MRC1: variants seen among roughly 807,000 people sequenced by gnomAD.
MRC1 encodes macrophage mannose receptor 1.
MRC1 carries 62 observed loss-of-function variants against 102.9 expected under a neutral mutation model. That is an observed-to-expected ratio of 0.60 (90% CI 0.49 to 0.74). The LOEUF is 0.74. Among genes scored for constraint, MRC1 ranks in the 30% least tolerant of loss-of-function variants. The pLI is 0.00. For missense variants in MRC1, 1,237 were observed against 862.8 expected, an observed-to-expected ratio of 1.43 and a Z score of -5.43; for synonymous variants, 457 against 298.4, an observed-to-expected ratio of 1.53 and a Z score of -5.48.
At chr10:17,898,761 A>G (rs1320661085) in intron 24 of MRC1, among the ~76,000 whole-genome samples, 1 of 152,208 alleles carries the variant, frequency 6.6e-6, no homozygotes, top group Non-Finnish European at 1.5e-5. Context: ...ATTCCATAAT[A>G]GACTAAGGTT....
intron 1 of MRC1, among the ~76,000 whole-genome samples, chr10:17,815,132 G>C (rs1191315572): frequency 1.1e-4 from 17 of 152,082 alleles, no homozygotes; most frequent in Non-Finnish European, 2.4e-4. Context: ...ACTTTATTTA[G>C]ATGATCTCAT....
chr10:17,904,215 T>G (rs1381630712), intron 26 of MRC1, among the ~76,000 whole-genome samples: 2 of 152,224 alleles, frequency 1.3e-5, no homozygotes, highest in Non-Finnish European at 2.9e-5. Flanking sequence ...CCCTTGTAGT[T>G]TCCTTTATTG....
At chr10:17,854,315 A>G (rs1176497191) in intron 8 of MRC1, among the ~76,000 whole-genome samples, 2 of 152,208 alleles carry the variant, frequency 1.3e-5, no homozygotes, top group African/African-American at 4.8e-5. Context: ...TTATTGTTCA[A>G]TAATTTTTGT....
At chr10:17,861,079 G>A (rs1446467869) in intron 9 of MRC1, among the ~76,000 whole-genome samples, 2 of 152,208 alleles carry the variant, frequency 1.3e-5, no homozygotes, top group South Asian at 4.1e-4. Flanking sequence ...GGAGGCCAAG[G>A]CGGGTAGATC....
Position 17,863,608 on chromosome 10 carries a change from T to C in MRC1, c.1709T>C (p.Ile570Thr). 5.1e-6 allele frequency: 4 copies of C among 780,872 alleles called. No homozygotes were observed. The highest frequency in any genetic ancestry group is 3.4e-5 in the Admixed American group (2 of 59,036). The allele number at this position is 780,872 out of a possible 1,614,324, so 48.4% of individuals were successfully genotyped here. A position where few individuals can be genotyped will look rare whatever the true frequency, so the allele number is the denominator to read the frequency against. ...EKYFWTGLSD[I>T]QTKGTFQWTI... The stretch of plus-strand genomic sequence containing the variant: ...TATTTCTGGACAGGACTTTCAGATA[T>C]ACAAACCAAAGGGACTTTTCAGTGG... Residue 570 changes from isoleucine (I) to threonine (T), a missense_variant, in exon 11 of 30, where the codon ATA becomes ACA. Physicochemically the swap from Ile to Thr is moderately conservative, Grantham distance 89 (BLOSUM62 -1). Transcript: ENST00000569591.
chr10:17,814,010 C>A (rs894128037), intron 1 of MRC1, among the ~76,000 whole-genome samples: 3,074 of 152,178 alleles, frequency 0.02, 119 homozygotes, highest in African/African-American at 0.07. Flanking sequence ...TAGGTTTTGA[C>A]AGTTGTGCAG....
chr10:17,823,231 A>T lies in MRC1; in HGVS notation c.219A>T (p.Leu73Phe), dbSNP rs188385360. The stretch of plus-strand genomic sequence containing the variant: ...AGATTATGAGTGTTGCATTTAAATT[A>T]TGCCTGGGAGTGCCATCAAAAACGG... ...ESQIMSVAFK[L>F]CLGVPSKTDW... The change falls in exon 2 of 30, where the codon TTA becomes TTT. Residue 73 changes from leucine (L) to phenylalanine (F), a missense_variant. Coordinates refer to ENST00000569591, the MANE Select transcript of MRC1 (RefSeq NM_002438.4). 7 of 780,850 alleles carry T rather than the reference A, an allele frequency of 9.0e-6. No individual in the cohort carries two copies. Among genetic ancestry groups the T allele is most frequent in the African/African-American group, 8.4e-5 (5 of 59,250 alleles). The allele number at this position is 780,850 out of a possible 1,614,324, so 48.4% of individuals were successfully genotyped here. A position where few individuals can be genotyped will look rare whatever the true frequency, so the allele number is the denominator to read the frequency against.
intron 9 of MRC1, among the ~76,000 whole-genome samples, chr10:17,857,807 A>G (rs1452109037): frequency 6.6e-6 from 1 of 152,210 alleles, no homozygotes; most frequent in Non-Finnish European, 1.5e-5. Flanking sequence ...TTCAGAAATC[A>G]CAGGCTTGTT....
intron 24 of MRC1, among the ~76,000 whole-genome samples, chr10:17,899,332 G>T (rs1833798192): frequency 6.6e-6 from 1 of 152,156 alleles, no homozygotes; most frequent in Admixed American, 6.5e-5. Context: ...TAAGTCATTT[G>T]ATAAGTCATT....
chr10:17,846,502 T>C (rs1315451903), intron 6 of MRC1, among the ~76,000 whole-genome samples: 1 of 152,210 alleles, frequency 6.6e-6, no homozygotes, highest in Non-Finnish European at 1.5e-5. Flanking sequence ...ACGCTTGACA[T>C]AGCTAGAGAT....
chr10:17,910,156 A>C lies in MRC1; in HGVS notation c.4121-59A>C, dbSNP rs1589198934. On this transcript the variant is annotated intron_variant, in intron 29 of 29. Coordinates refer to ENST00000569591, the MANE Select transcript of MRC1 (RefSeq NM_002438.4). Reference sequence around the variant, plus strand: ...AGTTTTTCAACAAGCGAAGTTCTGCATAGCATGCAACCCTCTGCCTCCCTC... The same window carrying C: ...AGTTTTTCAACAAGCGAAGTTCTGCCTAGCATGCAACCCTCTGCCTCCCTC... 9 of 779,174 alleles carry C rather than the reference A, an allele frequency of 1.2e-5. No homozygotes were observed. The East Asian group carries it at 1.9e-4, about 17-fold the overall frequency. 48.3% of individuals were successfully genotyped at this position (779,174 alleles called of 1,614,324 possible).
chr10:17,817,854 C>T (rs1398654506), intron 1 of MRC1, among the ~76,000 whole-genome samples: 5 of 152,292 alleles, frequency 3.3e-5, no homozygotes, highest in East Asian at 1.9e-4. Flanking sequence ...TTTTGGCCAA[C>T]GTCTTGAATA....
intron 5 of MRC1, among the ~76,000 whole-genome samples, chr10:17,844,456 T>C (rs1023830736): frequency 1.5e-4 from 23 of 152,178 alleles, no homozygotes; most frequent in African/African-American, 5.5e-4. Context: ...CTGACCTCAG[T>C]TGATCCATCC....
Position 17,845,295 on chromosome 10 carries a change from C to G in MRC1, c.923C>G (p.Pro308Arg), listed in dbSNP as rs782402562. The G allele has an allele frequency of 2.8e-5, 22 of 780,662 alleles. No individual in the cohort carries two copies. The highest frequency in any genetic ancestry group is 1.7e-5 in the Non-Finnish European group (7 of 417,928). The allele number at this position is 780,662 out of a possible 1,614,324, so 48.4% of individuals were successfully genotyped here. A position where few individuals can be genotyped will look rare whatever the true frequency, so the allele number is the denominator to read the frequency against. Residue 308 changes from proline to arginine, a missense_variant, in exon 6 of 30, where the codon CCA becomes CGA. Pro to Arg is a moderately radical substitution (Grantham distance 103). Coordinates refer to ENST00000569591, the MANE Select transcript of MRC1 (RefSeq NM_002438.4). ...CTTTTCCTTTTCCTCGAAGGAAGTC[C>G]ATCAGCTGAACCTGGAAAAAGCTGT... is the stretch of plus-strand genomic sequence containing the variant. ...FRYLNWLPGS[P>R]SAEPGKSCVS... is the part of the protein sequence containing the mutation.
In MRC1 at chr10:17,897,978, A is replaced by T. The variant is rs1052736876; in HGVS notation, c.3251-56A>T. 5 of 780,502 alleles carry T rather than the reference A, an allele frequency of 6.4e-6. No homozygotes were observed. In the East Asian group the frequency reaches 9.7e-5, roughly 15 times the overall value. The allele number at this position is 780,502 out of a possible 1,614,324, so 48.3% of individuals were successfully genotyped here. A position where few individuals can be genotyped will look rare whatever the true frequency, so the allele number is the denominator to read the frequency against. ...AGATGAGATACACTTATCATTACTGATAAGGCTCAATTACTGTTTATTGAT... is the reference window on the plus strand; with the variant it reads ...AGATGAGATACACTTATCATTACTGTTAAGGCTCAATTACTGTTTATTGAT... On this transcript the variant is annotated intron_variant, in intron 23 of 29. Transcript: ENST00000569591.
chr10:17,835,410 C>G (rs1283900891), intron 4 of MRC1, among the ~76,000 whole-genome samples: 1 of 152,220 alleles, frequency 6.6e-6, no homozygotes, highest in East Asian at 1.9e-4. Context: ...CAAAGCTGAC[C>G]CTGTCTTGTC....
intron 11 of MRC1, among the ~76,000 whole-genome samples, chr10:17,863,889 A>T (rs1299137027): frequency 6.6e-6 from 1 of 152,026 alleles, no homozygotes; most frequent in Non-Finnish European, 1.5e-5. Context: ...GTTCTAAAGA[A>T]AAAAGGAAGA....
In MRC1 at chr10:17,887,144, T is replaced by C. The variant is rs975938720; in HGVS notation, c.3147+1709T>C. Among the ~76,000 whole-genome samples, 981 of 152,256 alleles carry C rather than the reference T, an allele frequency of 6.4e-3. 4 individuals carry two copies. The highest frequency in any genetic ancestry group is 0.01 in the Middle Eastern group (3 of 294). On this transcript the variant is annotated intron_variant, in intron 22 of 29. Transcript: ENST00000569591. ...TCTTTCTTTACTTCTCTAATAACAT[T>C]GCTTTTACTCTAGATAAAACATAAC...
At chr10:17,894,175 G>A in intron 22 of MRC1, 35 bp from the exon 23 acceptor site, 1 of 869,274 alleles carries the variant, frequency 1.2e-6, no homozygotes, top group African/African-American at 1.6e-5. Context: ...GTTGATTCAT[G>A]ATTGTTTTCT....
Sources: gnomAD v4.1 joint callset for allele counts (sites outside exome capture counted in the v4.1 genomes callset) on GRCh38, gnomAD v4.1.1 for gene constraint, MANE v1.5 for transcripts, NCBI Gene and HGNC (gene_info 2026-07-23, HGNC 2026-07-21) for gene names.